Variants in SSH1 observed in about 807,000 individuals in gnomAD.
SSH1 encodes the protein protein phosphatase Slingshot homolog 1.
In SSH1, 43 loss-of-function variants were observed where a neutral mutation model predicts 79.7. The ratio of observed to expected loss-of-function variants is 0.54; its 90% CI spans 0.42 to 0.70. The LOEUF (loss-of-function observed/expected upper bound fraction) is 0.70, where lower values mean the gene tolerates loss of function less well. Among genes scored for constraint, SSH1 ranks in the 30% least tolerant of loss-of-function variants. SSH1 has a pLI of 0.00. For missense variants in SSH1, 1,206 were observed against 1,358.8 expected, an observed-to-expected ratio of 0.89 and a Z score of 1.77; for synonymous variants, 599 against 538.3, an observed-to-expected ratio of 1.11 and a Z score of -1.56.
chr12:108,848,284 G>A (rs1054407633), intron 2 of SSH1, among the ~76,000 whole-genome samples: 2 of 152,106 alleles, frequency 1.3e-5, no homozygotes, highest in Non-Finnish European at 2.9e-5. Flanking sequence ...CGGAAGACCC[G>A]ATCCATGTGA....
chr12:108,805,541 G>A (rs895296157), intron 9 of SSH1, among the ~76,000 whole-genome samples: 1 of 152,066 alleles, frequency 6.6e-6, no homozygotes, highest in Non-Finnish European at 1.5e-5. Context: ...ATCACAATAT[G>A]ATTTTTAAAA....
At chr12:108,814,258 C>T (rs1215089798) in intron 5 of SSH1, among the ~76,000 whole-genome samples, 1 of 152,054 alleles carries the variant, frequency 6.6e-6, no homozygotes, top group African/African-American at 2.4e-5. Context: ...AGTGCGCAAG[C>T]CTGCTGCAGG....
At chr12:108,821,050 C>A (rs2038098750) in intron 3 of SSH1, among the ~76,000 whole-genome samples, 1 of 152,252 alleles carries the variant, frequency 6.6e-6, no homozygotes, top group African/African-American at 2.4e-5. Context: ...ACAACAGCTA[C>A]ATTTCTAAGA....
chr12:108,800,084 C>T (rs1470233019), intron 12 of SSH1, among the ~76,000 whole-genome samples: 1 of 152,134 alleles, frequency 6.6e-6, no homozygotes, highest in Non-Finnish European at 1.5e-5. Context: ...TATAAGGGAA[C>T]TAAGATTTGG....
intron 2 of SSH1, among the ~76,000 whole-genome samples, chr12:108,823,858 T>C (rs1354363935): frequency 1.3e-5 from 2 of 152,164 alleles, no homozygotes; most frequent in South Asian, 2.1e-4. Flanking sequence ...AGTAGAGACA[T>C]GGTTTTACCA....
chr12:108,781,936 A>G lies in SSH1; in HGVS notation c.*6052T>C, dbSNP rs1407733089. The G allele has an allele frequency of 6.6e-6, 1 of 152,118 alleles. No homozygotes were observed. The highest frequency in any genetic ancestry group is 2.4e-5 in the African/African-American group (1 of 41,386). 9.4% of individuals were successfully genotyped at this position (152,118 alleles called of 1,614,324 possible). On this transcript the variant is annotated 3_prime_UTR_variant, in exon 15 of 15. Coordinates refer to ENST00000326495, the MANE Select transcript of SSH1 (RefSeq NM_018984.4). ...AAAGACCAGCCTGGGCAGCAAAGCG[A>G]GACTTCATGTCTATAATAAATTGTA...
chr12:108,836,260 C>CGT (rs1327601528), intron 2 of SSH1, among the ~76,000 whole-genome samples: 1 of 151,916 alleles, frequency 6.6e-6, no homozygotes, highest in African/African-American at 2.4e-5. Context: ...TATAGATGCA[C>CGT]GTGTGTGTGT....
chr12:108,848,892 C>A (rs1219792993), intron 2 of SSH1, among the ~76,000 whole-genome samples: 1 of 149,848 alleles, frequency 6.7e-6, no homozygotes, highest in Non-Finnish European at 1.5e-5. Flanking sequence ...GTCAGAATGA[C>A]CCAACATCCC....
At chr12:108,846,351 C>G (rs1463808163) in intron 2 of SSH1, among the ~76,000 whole-genome samples, 1 of 152,164 alleles carries the variant, frequency 6.6e-6, no homozygotes, top group Non-Finnish European at 1.5e-5. Flanking sequence ...TATTATCTCC[C>G]CAGTGTCCTA....
chr12:108,815,212 G>A (rs919817758), intron 5 of SSH1, among the ~76,000 whole-genome samples: 1 of 152,230 alleles, frequency 6.6e-6, no homozygotes, highest in Non-Finnish European at 1.5e-5. Context: ...CACTAACCGG[G>A]ATGACCCTGG....
chr12:108,789,784 CT>C (rs1402485143), intron 14 of SSH1, among the ~76,000 whole-genome samples: 1 of 152,134 alleles, frequency 6.6e-6, no homozygotes, highest in African/African-American at 2.4e-5. Flanking sequence ...GGGCACCCCC[CT>C]ACCCCACCCC....
At position 108,829,416 on chromosome 12, in the gene SSH1, GATTAACCCCTAGA is replaced by G. The variant is rs541258526; in HGVS notation, c.111-6068_111-6056del. ...ATTTACATTCTACCATATATACTCT[GATTAACCCCTAGA>G]ATTAACCCCTAGAATTCCTTACAGG... is the stretch of plus-strand genomic sequence containing the variant. On this transcript the variant is annotated intron_variant, in intron 2 of 14. Transcript: ENST00000326495. 2.8e-3 allele frequency among the ~76,000 whole-genome samples: 424 copies of G among 152,226 alleles called. 1 individual carries two copies. Among genetic ancestry groups the G allele is most frequent in the Non-Finnish European group, 4.0e-3 (270 of 68,028 alleles).
chr12:108,853,420 G>C (rs895591077), intron 1 of SSH1: 23 of 901,682 alleles, frequency 2.6e-5, no homozygotes, highest in African/African-American at 3.6e-5. Flanking sequence ...CGCACCGCTG[G>C]GACTTGGCAT....
At chr12:108,800,947 GAAAC>G in intron 11 of SSH1, 21 bp from the exon 12 acceptor site, 1 of 1,609,836 alleles carries the variant, frequency 6.2e-7, no homozygotes, top group African/African-American at 1.3e-5. Flanking sequence ...AAAAAAATAA[GAAAC>G]AAATTTGGAC....
chr12:108,804,486 G>A (rs2037175597), intron 10 of SSH1, among the ~76,000 whole-genome samples: 1 of 152,218 alleles, frequency 6.6e-6, no homozygotes, highest in Admixed American at 6.5e-5. Flanking sequence ...CCGTGGAGGT[G>A]CACAGAAATC....
intron 7 of SSH1, among the ~76,000 whole-genome samples, chr12:108,808,259 G>GC (rs1331125439): frequency 1.3e-5 from 2 of 152,162 alleles, no homozygotes; most frequent in African/African-American, 4.8e-5. Flanking sequence ...TTTGTAAAGG[G>GC]CTCACTCTTG....
rs1407579609 is a variant in SSH1, at chr12:108,781,248, A to C, written c.*6740T>G. On this transcript the variant is annotated 3_prime_UTR_variant, in exon 15 of 15. Coordinates refer to ENST00000326495, the MANE Select transcript of SSH1 (RefSeq NM_018984.4). ...AGTCTGGGCAACATAGTGAGACCCT[A>C]TCTTTTAAATAAATAAATAAATAAA... 1 of 151,938 alleles carries C rather than the reference A, an allele frequency of 6.6e-6. No homozygotes were observed. 9.4% of individuals were successfully genotyped at this position (151,938 alleles called of 1,614,324 possible). A position where few individuals can be genotyped will look rare whatever the true frequency, so the allele number is the denominator to read the frequency against.
intron 3 of SSH1, among the ~76,000 whole-genome samples, chr12:108,820,476 G>A (rs1229457215): frequency 6.6e-6 from 1 of 152,174 alleles, no homozygotes; most frequent in African/African-American, 2.4e-5. Flanking sequence ...ATTGGGGAAA[G>A]CAAAAACAAA....
intron 12 of SSH1, among the ~76,000 whole-genome samples, chr12:108,800,261 G>A (rs1247270848): frequency 1.3e-5 from 2 of 152,064 alleles, no homozygotes; most frequent in African/African-American, 4.8e-5. Context: ...GGGCTCAGGG[G>A]CAGTGGGGCT....
Sources: gnomAD v4.1 joint callset for allele counts (sites outside exome capture counted in the v4.1 genomes callset) on GRCh38, gnomAD v4.1.1 for gene constraint, MANE v1.5 for transcripts, NCBI Gene and HGNC (gene_info 2026-07-23, HGNC 2026-07-21) for gene names.